Variants in TGDS observed in about 807,000 individuals in gnomAD.
TGDS encodes UDP-D-glucose 4,6-dehydratase.
TGDS carries 47 observed loss-of-function variants against 52.3 expected under a neutral mutation model. That is an observed-to-expected ratio of 0.90 (90% confidence interval 0.71 to 1.15). The LOEUF (loss-of-function observed/expected upper bound fraction) is 1.15. TGDS is among the 50% of genes most tolerant of loss of function. TGDS has a pLI of 0.00. For missense variants in TGDS, 375 were observed against 418.4 expected (o/e 0.90, Z 0.90); for synonymous variants, 115 against 136.9 (o/e 0.84, Z 1.12).
chr13:94,578,729 C>T lies in TGDS; in HGVS notation c.659+1G>A, dbSNP rs780780778. The T allele has an allele frequency of 1.8e-5, 28 of 1,530,458 alleles. No homozygotes were observed. Among genetic ancestry groups the T allele is most frequent in the African/African-American group, 9.6e-5 (7 of 72,836 alleles). 94.8% of individuals were successfully genotyped at this position (1,530,458 alleles called of 1,614,324 possible). A position where few individuals can be genotyped will look rare whatever the true frequency, so the allele number is the denominator to read the frequency against. ...TGGGTAAAAAGGTAATAATAACATA[C>T]CATTTCCTGTTGTGCTGTAGCAAAG... is the stretch of plus-strand genomic sequence containing the variant. On this transcript the variant is annotated splice_donor_variant, in intron 8 of 11. Coordinates refer to ENST00000261296, the MANE Select transcript of TGDS (RefSeq NM_014305.4). LOFTEE classifies it high-confidence loss of function.
intron 4 of TGDS, among the ~76,000 whole-genome samples, chr13:94,588,421 CAAAAAAAAAA>C (rs150186125): frequency 1.2e-4 from 7 of 58,492 alleles, no homozygotes; most frequent in South Asian, 1.0e-3. Context: ...GACTCTGTCT[CAAAAAAAAAA>C]AAAAAAAAAA....
chr13:94,576,262 T>C, intron 11 of TGDS, 52 bp downstream of exon 11: 1 of 1,284,770 alleles, frequency 7.8e-7, no homozygotes, highest in Non-Finnish European at 1.1e-6. Flanking sequence ...ATAAGTTATT[T>C]TTCCTTTAAA....
chr13:94,586,578 C>A (rs917996960), intron 4 of TGDS, among the ~76,000 whole-genome samples: 5 of 152,012 alleles, frequency 3.3e-5, no homozygotes, highest in Admixed American at 3.3e-4. Flanking sequence ...CGGAAAGTGA[C>A]CATATACTGA....
At chr13:94,588,160 C>A (rs1027931640) in intron 4 of TGDS, among the ~76,000 whole-genome samples, 4 of 151,400 alleles carry the variant, frequency 2.6e-5, no homozygotes, top group Admixed American at 2.6e-4. Flanking sequence ...AATCCCAGCA[C>A]TTTGGGAGGC....
At chr13:94,596,154 C>T, upstream of TGDS, 6 of 1,612,608 alleles carry the variant, frequency 3.7e-6, no homozygotes, top group Non-Finnish European at 5.1e-6. Flanking sequence ...CTCAGCAGTG[C>T]CTAGTACCGT....
intron 5 of TGDS, 38 bp downstream of exon 5, chr13:94,583,056 A>G (rs375390794): frequency 1.7e-5 from 27 of 1,600,858 alleles, no homozygotes; most frequent in Non-Finnish European, 2.1e-5. Flanking sequence ...ATCATGGTAC[A>G]TGGTTAAGTA....
intron 5 of TGDS, among the ~76,000 whole-genome samples, chr13:94,582,680 G>A (rs1308513371): frequency 6.6e-6 from 1 of 152,204 alleles, no homozygotes; most frequent in Non-Finnish European, 1.5e-5. Flanking sequence ...CTCAATCTGA[G>A]TATGCACCAT....
Position 94,581,165 on chromosome 13 carries a change from G to A in TGDS, c.481C>T (p.Gln161Ter), listed in dbSNP as rs772868057. 6.9e-6 allele frequency: 11 copies of A among 1,592,294 alleles called. No individual in the cohort carries two copies. The highest frequency in any genetic ancestry group is 1.7e-6 in the Non-Finnish European group (2 of 1,168,866). ...GATGATGCATAAGGATTTGTAGGTT[G>A]TTTGGGTGAAGATTCATCAAATTCC... ...DKEFDESSPK[Q>*]PTNPYASSKA... The change falls in exon 6 of 12, where the codon CAA becomes TAA. Residue 161 changes from glutamine (Q) to a stop codon, truncating the protein, a stop_gained. Transcript: ENST00000261296. LOFTEE classifies it high-confidence loss of function.
intron 8 of TGDS, among the ~76,000 whole-genome samples, chr13:94,578,475 T>A (rs1888680143): frequency 6.6e-6 from 1 of 152,210 alleles, no homozygotes; most frequent in Non-Finnish European, 1.5e-5. Flanking sequence ...AGTAAAATTA[T>A]ATAAAAATAG....
chr13:94,578,800 A>T, intron 7 of TGDS, 27 bp from the exon 8 acceptor site: 1 of 1,385,560 alleles, frequency 7.2e-7, no homozygotes, highest in South Asian at 1.2e-5. Flanking sequence ...ATATCATTTC[A>T]GACTGGATAT....
chr13:94,578,573 G>T (rs1310197752), intron 8 of TGDS, among the ~76,000 whole-genome samples, 157 bp downstream of exon 8: 2 of 152,084 alleles, frequency 1.3e-5, no homozygotes, highest in Non-Finnish European at 2.9e-5. Flanking sequence ...ATAAGATACA[G>T]ATTATTTTAA....
chr13:94,578,627 T>A (rs1195619129), intron 8 of TGDS, 103 bp downstream of exon 8: 1 of 830,830 alleles, frequency 1.2e-6, no homozygotes, highest in East Asian at 2.6e-5. Flanking sequence ...TAGTGGGGCA[T>A]TCAATTCTAT....
chr13:94,576,840 T>C lies in TGDS; in HGVS notation c.885-429A>G, dbSNP rs182057922. On this transcript the variant is annotated intron_variant, in intron 10 of 11. Coordinates refer to ENST00000261296, the MANE Select transcript of TGDS (RefSeq NM_014305.4). Reference sequence around the variant, plus strand: ...ATTATTGGCCAGGCAAGGTGGCTCATGCCTGTAATCCCAGCACTTTCAGAG... The same window carrying C: ...ATTATTGGCCAGGCAAGGTGGCTCACGCCTGTAATCCCAGCACTTTCAGAG... 4.2e-3 allele frequency among the ~76,000 whole-genome samples: 644 copies of C among 152,290 alleles called. 4 individuals are homozygous for C. Among genetic ancestry groups the C allele is most frequent in the African/African-American group, 0.014 (596 of 41,550 alleles).
At chr13:94,575,314 T>C (rs938927914) in intron 11 of TGDS, among the ~76,000 whole-genome samples, 1 of 142,932 alleles carries the variant, frequency 7.0e-6, no homozygotes, top group African/African-American at 2.7e-5. Flanking sequence ...TTTAAAGAGA[T>C]GGGGTCTCGC....
intron 5 of TGDS, 58 bp from the exon 6 acceptor site, chr13:94,581,247 A>G: frequency 8.6e-7 from 1 of 1,166,188 alleles, no homozygotes; most frequent in Non-Finnish European, 1.2e-6. Flanking sequence ...TATAGAAATC[A>G]GAGCATATGT....
chr13:94,593,833 A>G lies in TGDS; in HGVS notation c.153+8T>C, dbSNP rs762153704. Reference sequence around the variant, plus strand: ...TCAGTGCATGATGCTCATTTTTATAAAACTCACCTTGTCTAGATTTATGAT... The same window carrying G: ...TCAGTGCATGATGCTCATTTTTATAGAACTCACCTTGTCTAGATTTATGAT... On this transcript the variant is annotated splice_region_variant and intron_variant, in intron 2 of 11. Transcript: ENST00000261296. 19 of 1,546,698 alleles carry G rather than the reference A, an allele frequency of 1.2e-5. No individual in the cohort carries two copies. The East Asian group carries it at 3.8e-4, about 31-fold the overall frequency.
intron 1 of TGDS, 71 bp downstream of exon 1, chr13:94,595,980 G>A (rs1889361000): frequency 6.3e-7 from 1 of 1,582,030 alleles, no homozygotes. Flanking sequence ...ATTACCTAGG[G>A]CAAGCAGAGC....
intron 5 of TGDS, among the ~76,000 whole-genome samples, chr13:94,581,496 T>C (rs918677170): frequency 6.6e-6 from 1 of 152,132 alleles, no homozygotes; most frequent in Non-Finnish European, 1.5e-5. Flanking sequence ...AGGAAGGCCA[T>C]ACCCTTGAAG....
chr13:94,588,479 A>C (rs1889083022), intron 4 of TGDS, among the ~76,000 whole-genome samples: 1 of 151,348 alleles, frequency 6.6e-6, no homozygotes, highest in African/African-American at 2.4e-5. Context: ...CAGACTGAAA[A>C]AAAGGTAGCT....
Sources: gnomAD v4.1 joint callset for allele counts (sites outside exome capture counted in the v4.1 genomes callset) on GRCh38, gnomAD v4.1.1 for gene constraint, MANE v1.5 for transcripts, NCBI Gene and HGNC (gene_info 2026-07-23, HGNC 2026-07-21) for gene names.